The following AFG3L2 variants were observed in gnomAD, a reference collection of about 807,000 sequenced individuals.
AFG3L2 encodes AFG3 like matrix AAA peptidase subunit 2.
AFG3L2 carries 54 observed loss-of-function variants against 94.5 expected under a neutral mutation model. The ratio of observed to expected loss-of-function variants is 0.57; its 90% CI spans 0.46 to 0.72. The LOEUF (loss-of-function observed/expected upper bound fraction) is 0.72, where lower values mean the gene tolerates loss of function less well. Among genes scored for constraint, AFG3L2 ranks in the 30% least tolerant of loss-of-function variants. The pLI, the probability that AFG3L2 is intolerant of heterozygous loss-of-function variation, is 0.00. For missense variants in AFG3L2, 754 were observed against 994.9 expected, an observed-to-expected ratio of 0.76 and a Z score of 3.26; for synonymous variants, 377 against 365.5, an observed-to-expected ratio of 1.03 and a Z score of -0.36.
At chr18:12,361,690 C>T (rs1360516602) in intron 6 of AFG3L2, among the ~76,000 whole-genome samples, 6 of 152,186 alleles carry the variant, frequency 3.9e-5, no homozygotes, top group Non-Finnish European at 7.4e-5. Flanking sequence ...AGCAACAAGT[C>T]ATCGCATATC....
In AFG3L2 at chr18:12,358,736, G is replaced by A; in HGVS notation, c.960C>T (p.Ile320=). ...TTTTCAAGAAATTCACAAATTCCAT[G>A]ATCTCTAGCTTGGCCTCCTCACAGC... ...VAGCEEAKLE[I]MEFVNFLKNP... The change falls in exon 8 of 17, where the codon ATC becomes ATT. Residue 320 remains isoleucine, a synonymous_variant. Transcript: ENST00000269143. 6.2e-7 allele frequency: 1 copy of A among 1,614,202 alleles called. No individual in the cohort carries two copies. Among genetic ancestry groups the A allele is most frequent in the East Asian group, 2.2e-5 (1 of 44,888 alleles).
chr18:12,371,459 T>A (rs193060718), intron 2 of AFG3L2, 133 bp downstream of exon 2: 1 of 740,888 alleles, frequency 1.3e-6, no homozygotes, highest in Non-Finnish European at 2.4e-6. Flanking sequence ...TCTACAAATG[T>A]GTTACATTTG....
At chr18:12,375,703 G>A (rs1040955469) in intron 1 of AFG3L2, among the ~76,000 whole-genome samples, 6 of 152,152 alleles carry the variant, frequency 3.9e-5, no homozygotes, top group African/African-American at 1.2e-4. Context: ...CCGCCACCAC[G>A]CCCGGCTAAT....
intron 3 of AFG3L2, 130 bp downstream of exon 3, chr18:12,370,718 CA>C: frequency 1.5e-6 from 1 of 677,054 alleles, no homozygotes; most frequent in Non-Finnish European, 2.6e-6. Flanking sequence ...CTAGGCCTCC[CA>C]AAAGGCTGGG....
At chr18:12,337,165 C>T (rs1224829878) in intron 16 of AFG3L2, 176 bp downstream of exon 16, 1 of 671,004 alleles carries the variant, frequency 1.5e-6, no homozygotes, top group Admixed American at 2.2e-5. Flanking sequence ...CTGCTCACCA[C>T]ATTGCAACCC....
At chr18:12,375,077 G>T (rs1452688959) in intron 1 of AFG3L2, among the ~76,000 whole-genome samples, 3 of 149,082 alleles carry the variant, frequency 2.0e-5, no homozygotes, top group Non-Finnish European at 4.5e-5. Context: ...AAAAAGAAAA[G>T]AAAAGAAAAG....
chr18:12,339,116 T>G (rs532543075), intron 15 of AFG3L2, among the ~76,000 whole-genome samples: 2 of 144,122 alleles, frequency 1.4e-5, no homozygotes. Flanking sequence ...TAGCCAGGAG[T>G]GGTGGCGGGC....
chr18:12,365,871 C>CTTTTTTTTT (rs576247423), intron 5 of AFG3L2, among the ~76,000 whole-genome samples: 2 of 113,802 alleles, frequency 1.8e-5, no homozygotes, highest in African/African-American at 3.6e-5. Flanking sequence ...TGCATCAATT[C>CTTTTTTTTT]TTTTTTTTTT....
In AFG3L2 at chr18:12,329,238, A is replaced by G; in HGVS notation, c.*327T>C. The G allele has an allele frequency of 1.4e-6, 1 of 702,438 alleles. No individual in the cohort carries two copies. Among genetic ancestry groups the G allele is most frequent in the African/African-American group, 1.7e-5 (1 of 57,380 alleles). The allele number at this position is 702,438 out of a possible 1,614,324, so 43.5% of individuals were successfully genotyped here. On this transcript the variant is annotated 3_prime_UTR_variant, in exon 17 of 17. Transcript: ENST00000269143. ...TCCCACACGCCAAGAGTCCAGTGCA[A>G]CGATCCCTGCCACACGGTCAGCCGA...
At chr18:12,357,310 T>C (rs912730533) in intron 8 of AFG3L2, among the ~76,000 whole-genome samples, 1 of 152,212 alleles carries the variant, frequency 6.6e-6, no homozygotes, top group Non-Finnish European at 1.5e-5. Context: ...ATTTTTAGCA[T>C]GGTTGGACGT....
Position 12,360,016 on chromosome 18 carries a change from G to T in AFG3L2, c.663C>A (p.Thr221=). ...YVWFNIGSVD[T]FERNLETLQQ... ...GTAAAGTTTCCAGATTCCGTTCAAAGGTGTCCACACTGCCAATATTAAACC... is the reference window on the plus strand; with the variant it reads ...GTAAAGTTTCCAGATTCCGTTCAAATGTGTCCACACTGCCAATATTAAACC... The change falls in exon 7 of 17, where the codon ACC becomes ACA. Residue 221 remains threonine (T), a synonymous_variant. Coordinates refer to ENST00000269143, the MANE Select transcript of AFG3L2 (RefSeq NM_006796.3). 1 of 1,613,936 alleles carries T rather than the reference G, an allele frequency of 6.2e-7. No individual in the cohort carries two copies. The highest frequency in any genetic ancestry group is 8.5e-7 in the Non-Finnish European group (1 of 1,179,958).
intron 9 of AFG3L2, 47 bp from the exon 10 acceptor site, chr18:12,353,205 A>G (rs1196000674): frequency 1.9e-6 from 3 of 1,606,692 alleles, no homozygotes; most frequent in Non-Finnish European, 2.6e-6. Context: ...AATATTATGT[A>G]TTCTCTGAAT....
At chr18:12,363,761 T>C (rs1278229021) in intron 6 of AFG3L2, 21 bp downstream of exon 6, 7 of 1,589,752 alleles carry the variant, frequency 4.4e-6, no homozygotes, top group Non-Finnish European at 5.2e-6. Flanking sequence ...CTAATTCACA[T>C]CAATTAATAA....
At position 12,363,843 on chromosome 18, in the gene AFG3L2, T is replaced by G. The variant is rs779513123; in HGVS notation, c.566A>C (p.Glu189Ala). The change falls in exon 6 of 17, where the codon GAA (glutamate) becomes GCA (alanine). Residue 189 changes from glutamate to alanine, a missense_variant. Physicochemically the swap from Glu to Ala is moderately radical, Grantham distance 107 (BLOSUM62 -1). Coordinates refer to ENST00000269143, the MANE Select transcript of AFG3L2 (RefSeq NM_006796.3). The part of the protein sequence containing the change: ...YLSKGVVDRL[E>A]VVNKRFVRVT... Reference sequence around the variant, plus strand: ...TCGAACAAAACGCTTGTTGACGACTTCCAATCTGTCTACCTAGAATTTTAA... The same window carrying G: ...TCGAACAAAACGCTTGTTGACGACTGCCAATCTGTCTACCTAGAATTTTAA... 6.2e-7 allele frequency: 1 copy of G among 1,612,734 alleles called. No individual in the cohort carries two copies. Among genetic ancestry groups the G allele is most frequent in the Non-Finnish European group, 8.5e-7 (1 of 1,179,208 alleles).
Position 12,337,439 on chromosome 18 carries a change from T to C in AFG3L2, c.2077A>G (p.Thr693Ala), listed in dbSNP as rs1385150203. 1.2e-6 allele frequency: 2 copies of C among 1,614,092 alleles called. No homozygotes were observed. The highest frequency in any genetic ancestry group is 1.3e-5 in the African/African-American group (1 of 74,948). Residue 693 changes from threonine to alanine, a missense_variant, in exon 16 of 17, where the codon ACT (threonine) becomes GCT (alanine). By Grantham distance (58) the Thr-to-Ala change is moderately conservative. Coordinates refer to ENST00000269143, the MANE Select transcript of AFG3L2 (RefSeq NM_006796.3). Reference protein sequence around the residue: ...MVLEKPYSEATARLIDDEVRI... With the variant: ...MVLEKPYSEAAARLIDDEVRI... ...ACTTCATCATCTATCAATCTTGCAG[T>C]GGCTTCACTGTAAGGTTTCTCCAAT...
intron 16 of AFG3L2, 110 bp from the exon 17 acceptor site, chr18:12,329,893 T>C (rs1238017686): frequency 2.2e-6 from 2 of 925,538 alleles, no homozygotes; most frequent in Non-Finnish European, 3.4e-6. Flanking sequence ...TTAAGACCAA[T>C]GAAAAAGATG....
At chr18:12,359,340 C>A (rs1392457712) in intron 7 of AFG3L2, among the ~76,000 whole-genome samples, 2 of 152,036 alleles carry the variant, frequency 1.3e-5, no homozygotes, top group Non-Finnish European at 2.9e-5. Context: ...TAAAATCCTA[C>A]CAAAGGTCAA....
intron 12 of AFG3L2, among the ~76,000 whole-genome samples, chr18:12,349,179 T>C (rs1045797830): frequency 3.3e-5 from 5 of 152,188 alleles, no homozygotes; most frequent in African/African-American, 1.2e-4. Context: ...TCAACATCAC[T>C]AGTCATTAGA....
intron 1 of AFG3L2, among the ~76,000 whole-genome samples, chr18:12,374,950 G>A (rs1394603066): frequency 1.3e-5 from 2 of 151,778 alleles, no homozygotes; most frequent in East Asian, 3.9e-4. Context: ...CAGCTACTCG[G>A]GAGGCTGAGG....
Sources: allele counts gnomAD v4.1 joint callset (sites outside exome capture counted in the v4.1 genomes callset), GRCh38; gene constraint gnomAD v4.1.1; transcripts MANE v1.5; gene names NCBI Gene and HGNC (gene_info 2026-07-23, HGNC 2026-07-21).